ZNF516: variants seen among roughly 807,000 people sequenced by gnomAD.
ZNF516 encodes the protein zinc finger protein 516.
A neutral mutation model predicts 79.7 loss-of-function variants in ZNF516; 19 were observed. The ratio of observed to expected loss-of-function variants is 0.24; its 90% CI spans 0.17 to 0.35. The LOEUF (loss-of-function observed/expected upper bound fraction) is 0.35. ZNF516 is among the 10% of genes least tolerant of loss of function. ZNF516 has a pLI of 1.00. For synonymous variants in ZNF516, 877 were observed against 739.5 expected (o/e 1.19, Z -3.02); for missense variants, 1,678 against 1,679.5 (o/e 1.00, Z 0.02).
chr18:76,468,567 C>T (rs1023874214), intron 1 of ZNF516, among the ~76,000 whole-genome samples: 3 of 151,956 alleles, frequency 2.0e-5, no homozygotes, highest in African/African-American at 7.3e-5. Context: ...CAGGTGTGCA[C>T]CACCACACTC....
intron 1 of ZNF516, among the ~76,000 whole-genome samples, chr18:76,465,015 C>A (rs1476179548): frequency 6.6e-6 from 1 of 152,212 alleles, no homozygotes; most frequent in African/African-American, 2.4e-5. Flanking sequence ...CTTCAGGCAA[C>A]CTCGAGGGGA....
chr18:76,398,745 AAG>A lies in ZNF516; in HGVS notation c.1811-18444_1811-18443del, dbSNP rs2075178474. Among the ~76,000 whole-genome samples, 2 of 152,224 alleles carry A rather than the reference AAG, an allele frequency of 1.3e-5. 1 individual carries two copies. The highest frequency in any genetic ancestry group is 4.1e-4 in the South Asian group (2 of 4,832). ...GGCATAGGAGGGAGTAAGTCTCAGG[AAG>A]AGAAATAACACTGTACACTTCTCCG... On this transcript the variant is annotated intron_variant, in intron 3 of 6. Transcript: ENST00000443185.
intron 3 of ZNF516, among the ~76,000 whole-genome samples, chr18:76,400,741 C>T (rs2075207957): frequency 6.6e-6 from 1 of 152,232 alleles, no homozygotes; most frequent in African/African-American, 2.4e-5. Flanking sequence ...ACAGCTCCCA[C>T]ATGCAGAGTT....
intron 3 of ZNF516, among the ~76,000 whole-genome samples, chr18:76,404,051 G>C (rs1429520485): frequency 1.3e-5 from 2 of 152,220 alleles, no homozygotes; most frequent in East Asian, 1.9e-4. Flanking sequence ...CCACTGGGCA[G>C]GGCTGGGGCA....
Position 76,451,443 on chromosome 18 carries a change from G to A in ZNF516, c.-157-8232C>T, listed in dbSNP as rs2145613006. Among the ~76,000 whole-genome samples the A allele has an allele frequency of 6.6e-6, 1 of 152,304 alleles. No homozygotes were observed. Among genetic ancestry groups the A allele is most frequent in the African/African-American group, 2.4e-5 (1 of 41,560 alleles). On this transcript the variant is annotated intron_variant, in intron 2 of 6. Transcript: ENST00000443185. This position sits in a 1 kb window ranked among gnomAD's most constrained non-coding sequence, Gnocchi z 6.0. ...GGAGTGAACGGGAGGAATTGGGGAG[G>A]GAGGGAAAACGCCAAAAAGCTCAAA... is the stretch of plus-strand genomic sequence containing the variant.
At chr18:76,367,306 G>C (rs1159769831) in intron 6 of ZNF516, among the ~76,000 whole-genome samples, 3 of 152,180 alleles carry the variant, frequency 2.0e-5, no homozygotes, top group Non-Finnish European at 4.4e-5. Flanking sequence ...CTGGGATCAA[G>C]CTAAGCGCCT....
chr18:76,435,718 G>A (rs912375844), intron 3 of ZNF516, among the ~76,000 whole-genome samples: 1 of 152,236 alleles, frequency 6.6e-6, no homozygotes, highest in Non-Finnish European at 1.5e-5. Flanking sequence ...ACTCCGTACA[G>A]GGTAAAGTCA....
chr18:76,437,067 A>AACACAC (rs370573337), intron 3 of ZNF516, among the ~76,000 whole-genome samples: 14,440 of 135,852 alleles, frequency 0.11, 1,096 homozygotes, highest in East Asian at 0.39. Context: ...ACCTGTCTAA[A>AACACAC]ACACACACAC....
In ZNF516 at chr18:76,456,614, T is replaced by G. The variant is rs1050550422; in HGVS notation, c.-158+6414A>C. ...AGGCTTCCTCCCGGGAATGTGTGTG[T>G]GGCTCATCCTCACTGGGCCACACAG... On this transcript the variant is annotated intron_variant, in intron 2 of 6. Transcript: ENST00000443185. Among the ~76,000 whole-genome samples, 5 of 152,110 alleles carry G rather than the reference T, an allele frequency of 3.3e-5. No individual in the cohort carries two copies. The East Asian group carries it at 7.7e-4, about 24-fold the overall frequency.
At position 76,467,589 on chromosome 18, in the gene ZNF516, G is replaced by A. The variant is rs1293685792; in HGVS notation, c.-271-4448C>T. ...GGACAAGGCTTCGGAGGCTGGTGGT[G>A]GGGAGGTCCAAACCAGAGGGGAGTC... On this transcript the variant is annotated intron_variant, in intron 1 of 6. Coordinates refer to ENST00000443185, the MANE Select transcript of ZNF516 (RefSeq NM_014643.4). The surrounding 1 kb of genome is among the most constrained non-coding windows in gnomAD (Gnocchi z 4.2). 5.3e-5 allele frequency among the ~76,000 whole-genome samples: 8 copies of A among 152,150 alleles called. No individual in the cohort carries two copies. In the East Asian group the frequency reaches 1.2e-3, roughly 22 times the overall value.
At chr18:76,468,344 T>C (rs1402110719) in intron 1 of ZNF516, among the ~76,000 whole-genome samples, 1 of 152,012 alleles carries the variant, frequency 6.6e-6, no homozygotes, top group Non-Finnish European at 1.5e-5. Flanking sequence ...CCAACACAAA[T>C]TCATAACCTT....
intron 3 of ZNF516, among the ~76,000 whole-genome samples, chr18:76,428,377 A>G (rs1430689047): frequency 7.2e-6 from 1 of 139,854 alleles, no homozygotes; most frequent in Non-Finnish European, 1.5e-5. Flanking sequence ...TAGACAACAG[A>G]GTGAGATTCT....
chr18:76,481,421 C>A (rs1914515759), intron 1 of ZNF516, among the ~76,000 whole-genome samples: 1 of 152,236 alleles, frequency 6.6e-6, no homozygotes, highest in South Asian at 2.1e-4. Flanking sequence ...GGACACTGGT[C>A]TCCCATAGTG....
At chr18:76,462,738 C>T (rs1256781674) in intron 2 of ZNF516, among the ~76,000 whole-genome samples, 1 of 152,042 alleles carries the variant, frequency 6.6e-6, no homozygotes, top group Non-Finnish European at 1.5e-5. Flanking sequence ...ACCCCAGGAG[C>T]ACCAAGTTCT....
chr18:76,472,150 T>C (rs1047311026), intron 1 of ZNF516, among the ~76,000 whole-genome samples: 2 of 152,222 alleles, frequency 1.3e-5, no homozygotes, highest in African/African-American at 4.8e-5. Context: ...TTGGTCAGCG[T>C]CCCTGGCCTG....
At chr18:76,392,367 AC>A (rs1247860169) in intron 3 of ZNF516, among the ~76,000 whole-genome samples, 3 of 152,206 alleles carry the variant, frequency 2.0e-5, no homozygotes, top group Non-Finnish European at 4.4e-5. Context: ...GGGGCTCTTC[AC>A]CCAGAAGGTG....
intron 1 of ZNF516, among the ~76,000 whole-genome samples, chr18:76,490,475 T>C (rs568693868): frequency 4.6e-5 from 7 of 152,302 alleles, no homozygotes; most frequent in Admixed American, 1.3e-4. Flanking sequence ...CAGTATCCTA[T>C]CAAATAACAT....
chr18:76,415,956 G>C (rs984226833), intron 3 of ZNF516, among the ~76,000 whole-genome samples: 13 of 152,284 alleles, frequency 8.5e-5, no homozygotes, highest in Admixed American at 7.2e-4. Flanking sequence ...TTGCAAATGA[G>C]TCAATATACT....
At chr18:76,409,395 A>C (rs1188601975) in intron 3 of ZNF516, among the ~76,000 whole-genome samples, 2 of 152,258 alleles carry the variant, frequency 1.3e-5, no homozygotes, top group African/African-American at 4.8e-5. Context: ...CTCCAAGAAC[A>C]CTGCAGGAAA....
Sources: allele counts gnomAD v4.1 joint callset (sites outside exome capture counted in the v4.1 genomes callset), GRCh38; gene constraint gnomAD v4.1.1; non-coding constraint Gnocchi (gnomAD v3.1); transcripts MANE v1.5; gene names NCBI Gene and HGNC (gene_info 2026-07-23, HGNC 2026-07-21).